Variants in UPRT observed in about 807,000 individuals in gnomAD.
The protein encoded by UPRT is RP11-311P8.3.
UPRT carries 5 observed loss-of-function variants against 22.6 expected under a neutral mutation model. The observed-to-expected ratio is 0.22, with a 90% CI of 0.12 to 0.47. The LOEUF is 0.47. Ranked by LOEUF, UPRT falls within the 20% of genes least tolerant of loss-of-function variation. The pLI is 0.99. For missense variants in UPRT, 181 were observed against 239.9 expected (o/e 0.75, Z 1.62); for synonymous variants, 77 against 87.7 (o/e 0.88, Z 0.68).
intron 4 of UPRT, among the ~76,000 whole-genome samples, chrX:75,240,305 C>T (rs945309491): frequency 9.0e-6 from 1 of 110,876 alleles, no homozygotes; most frequent in South Asian, 3.8e-4. Flanking sequence ...ACCAGCAGTG[C>T]CCAAGCAGAG....
chrX:75,297,317 T>C (rs1220096304), intron 3 of UPRT, among the ~76,000 whole-genome samples, 174 bp from the exon 4 acceptor site: 1 of 112,057 alleles, frequency 8.9e-6, no homozygotes, highest in Non-Finnish European at 1.9e-5. Flanking sequence ...AATTAAGAAA[T>C]AACTGAAAAA....
intron 4 of UPRT, among the ~76,000 whole-genome samples, chrX:75,240,612 G>A (rs1208181797): frequency 2.7e-5 from 3 of 111,283 alleles, no homozygotes; most frequent in Non-Finnish European, 5.7e-5. Flanking sequence ...GAAAGAGCCC[G>A]CATAATCAAA....
At chrX:75,246,788 C>T (rs1001502609) in intron 4 of UPRT, among the ~76,000 whole-genome samples, 31 of 111,671 alleles carry the variant, frequency 2.8e-4, no homozygotes, top group Non-Finnish European at 5.1e-4. Context: ...TTTTAATGAT[C>T]GGCATTCTAA....
intron 1 of UPRT, among the ~76,000 whole-genome samples, chrX:75,290,134 G>A (rs1325952520): frequency 3.6e-5 from 4 of 111,529 alleles, no homozygotes; most frequent in African/African-American, 1.3e-4. Context: ...CCCTTAAAAA[G>A]GTGCAAAAGA....
chrX:75,180,672 C>T lies in UPRT; in HGVS notation c.-447+12793C>T, dbSNP rs759637837. Among the ~76,000 whole-genome samples, 22 of 94,678 alleles carry T rather than the reference C, an allele frequency of 2.3e-4. 1 individual carries two copies. The East Asian group carries it at 7.0e-3, about 30-fold the overall frequency. 82.2% of individuals were successfully genotyped at this position (94,678 alleles called of 115,157 possible). A position where few individuals can be genotyped will look rare whatever the true frequency, so the allele number is the denominator to read the frequency against. Reference sequence around the variant, plus strand: ...CTGCTTCCTGTCTTCCATCTTCCCCCTTTTCTCTGTTTTTTTTTTTTTGTT... The same window carrying T: ...CTGCTTCCTGTCTTCCATCTTCCCCTTTTTCTCTGTTTTTTTTTTTTTGTT... On this transcript the variant is annotated intron_variant, in intron 4 of 13. Coordinates refer to the UPRT transcript ENST00000652605.
At chrX:75,255,029 C>T (rs1453330903) in intron 4 of UPRT, among the ~76,000 whole-genome samples, 1 of 110,689 alleles carries the variant, frequency 9.0e-6, no homozygotes, top group East Asian at 2.8e-4. Context: ...CCCGCCTCGG[C>T]CTCCCAAAGT....
intron 4 of UPRT, among the ~76,000 whole-genome samples, chrX:75,218,614 A>G (rs1267082181): frequency 2.7e-4 from 26 of 97,223 alleles, no homozygotes; most frequent in Non-Finnish European, 4.7e-4. Flanking sequence ...CACTATTCAC[A>G]ATAGCAAAGA....
intron 3 of UPRT, among the ~76,000 whole-genome samples, chrX:75,164,848 T>A (rs1192525613): frequency 9.0e-6 from 1 of 111,694 alleles, no homozygotes; most frequent in Non-Finnish European, 1.9e-5. Context: ...CAAATTCAGT[T>A]TCCTCACCCT....
chrX:75,181,546 G>A (rs1265594443), intron 4 of UPRT, among the ~76,000 whole-genome samples: 1 of 110,708 alleles, frequency 9.0e-6, no homozygotes, highest in African/African-American at 3.3e-5. Flanking sequence ...AATTATTGTT[G>A]TACAGGTCTT....
chrX:75,269,794 T>TA (rs1281690959), upstream of UPRT, among the ~76,000 whole-genome samples: 1 of 111,423 alleles, frequency 9.0e-6, no homozygotes, highest in Non-Finnish European at 1.9e-5. Flanking sequence ...CCTAAAATCA[T>TA]AAAAACCCTA....
chrX:75,157,252 T>C (rs892073573), intron 1 of UPRT, among the ~76,000 whole-genome samples: 1 of 112,119 alleles, frequency 8.9e-6, no homozygotes. Context: ...AAGAGACAAA[T>C]AATTATGGAC....
chrX:75,166,902 T>C (rs1345606573), intron 3 of UPRT, among the ~76,000 whole-genome samples: 1 of 112,541 alleles, frequency 8.9e-6, no homozygotes, highest in African/African-American at 3.2e-5. Flanking sequence ...AGCTGTATAA[T>C]TTTTTATTAC....
intron 4 of UPRT, among the ~76,000 whole-genome samples, chrX:75,180,695 G>GTTTTT (rs61040746): frequency 2.9e-5 from 1 of 34,659 alleles, no homozygotes; most frequent in African/African-American, 1.3e-4. Flanking sequence ...TTTTTTTTTT[G>GTTTTT]TTTTTTTTTT....
intron 4 of UPRT, among the ~76,000 whole-genome samples, chrX:75,199,868 A>T (rs2082343063): frequency 8.9e-6 from 1 of 112,166 alleles, no homozygotes; most frequent in Non-Finnish European, 1.9e-5. Flanking sequence ...ACAGTGTAAA[A>T]GCGTTCCTAT....
chrX:75,216,579 T>C (rs941934093), intron 4 of UPRT, among the ~76,000 whole-genome samples: 2 of 111,483 alleles, frequency 1.8e-5, no homozygotes, highest in Non-Finnish European at 1.9e-5. Flanking sequence ...CACAGGAGTA[T>C]TTTTGGTTTT....
intron 4 of UPRT, chrX:75,201,625 A>C (rs1160771884): frequency 1.7e-5 from 2 of 115,925 alleles, no homozygotes; most frequent in African/African-American, 6.4e-5. Context: ...ACCTAATCAC[A>C]ATATGGAAAA....
intron 4 of UPRT, among the ~76,000 whole-genome samples, chrX:75,249,461 G>A (rs928972199): frequency 1.2e-4 from 13 of 111,835 alleles, no homozygotes; most frequent in Non-Finnish European, 2.1e-4. Context: ...AAGAGACAAA[G>A]AAGGCCATTA....
chrX:75,203,416 G>C (rs768808405), intron 4 of UPRT, among the ~76,000 whole-genome samples: 4 of 108,752 alleles, frequency 3.7e-5, no homozygotes, highest in Non-Finnish European at 5.7e-5. Flanking sequence ...AGGATATTCA[G>C]GACTTGAACT....
chrX:75,210,633 C>T lies in UPRT; in HGVS notation c.-447+42754C>T, dbSNP rs1186135500. ...GGCAAAAGTAAGGGGGTGGAGGAGCCGCAGCCAAAGGAGAATAAGGAGGGG... is the reference window on the plus strand; with the variant it reads ...GGCAAAAGTAAGGGGGTGGAGGAGCTGCAGCCAAAGGAGAATAAGGAGGGG... On this transcript the variant is annotated intron_variant, in intron 4 of 13. Coordinates refer to the UPRT transcript ENST00000652605. Among the ~76,000 whole-genome samples the T allele has an allele frequency of 9.8e-5, 9 of 91,525 alleles. No individual in the cohort carries two copies. In the South Asian group the frequency reaches 2.3e-3, roughly 24 times the overall value. 79.5% of individuals were successfully genotyped at this position (91,525 alleles called of 115,157 possible). A position where few individuals can be genotyped will look rare whatever the true frequency, so the allele number is the denominator to read the frequency against.
Sources: allele counts gnomAD v4.1 joint callset (sites outside exome capture counted in the v4.1 genomes callset), GRCh38; gene constraint gnomAD v4.1.1; transcripts MANE v1.5; gene names NCBI Gene and HGNC (gene_info 2026-07-23, HGNC 2026-07-21).